ESRRB: variants seen among roughly 807,000 people sequenced by gnomAD.
ESRRB encodes the protein estrogen related receptor beta, also known as steroid hormone receptor ERR2.
ESRRB carries 16 observed loss-of-function variants against 46.0 expected under a neutral mutation model. The ratio of observed to expected loss-of-function variants is 0.35; its 90% CI spans 0.24 to 0.53. The LOEUF (loss-of-function observed/expected upper bound fraction) is 0.53. Ranked by LOEUF, ESRRB falls within the 20% of genes least tolerant of loss-of-function variation. The pLI is 0.93. For missense variants in ESRRB, 488 were observed against 607.4 expected (o/e 0.80, Z 2.07); for synonymous variants, 246 against 259.6 (o/e 0.95, Z 0.50).
intron 1 of ESRRB, among the ~76,000 whole-genome samples, chr14:76,377,523 T>C (rs1412682539): frequency 2.0e-5 from 3 of 152,130 alleles, no homozygotes; most frequent in Non-Finnish European, 4.4e-5. Flanking sequence ...ATAATAATAA[T>C]ACATAAAACT....
At chr14:76,402,981 G>A (rs760968763) in intron 1 of ESRRB, among the ~76,000 whole-genome samples, 1 of 152,140 alleles carries the variant, frequency 6.6e-6, no homozygotes, top group Non-Finnish European at 1.5e-5. Flanking sequence ...TGTAGAGACA[G>A]GGTCTCCCCA....
intron 1 of ESRRB, among the ~76,000 whole-genome samples, chr14:76,354,261 C>A (rs1690489510): frequency 6.9e-6 from 1 of 145,524 alleles, no homozygotes; most frequent in Admixed American, 6.9e-5. Flanking sequence ...CTCACCTCTC[C>A]ATGTGCCTGT....
At position 76,501,663 on chromosome 14, in the gene ESRRB, G is replaced by C. The variant is rs964576164; in HGVS notation, c.*3205G>C. On this transcript the variant is annotated 3_prime_UTR_variant, in exon 7 of 7. Transcript: ENST00000644823. ...TAATAATGATAATATGGCTGGAATG[G>C]CTTCTTAAGATGTATATATTTTTTA... 2.6e-5 allele frequency: 4 copies of C among 152,192 alleles called. No individual in the cohort carries two copies. Among genetic ancestry groups the C allele is most frequent in the African/African-American group, 7.2e-5 (3 of 41,442 alleles). 9.4% of individuals were successfully genotyped at this position (152,192 alleles called of 1,614,324 possible).
intron 5 of ESRRB, 45 bp from the exon 6 acceptor site, chr14:76,491,401 CG>C (rs779145001): frequency 6.9e-6 from 11 of 1,597,466 alleles, no homozygotes; most frequent in South Asian, 2.3e-5. Flanking sequence ...GCCCCTGGTC[CG>C]CCCTCCTGAC....
At chr14:76,407,024 TA>T (rs1886217686) in intron 1 of ESRRB, among the ~76,000 whole-genome samples, 1 of 152,196 alleles carries the variant, frequency 6.6e-6, no homozygotes, top group African/African-American at 2.4e-5. Context: ...AACAAATGAA[TA>T]AATGAATCTT....
chr14:76,377,270 G>A (rs536075879), intron 1 of ESRRB, among the ~76,000 whole-genome samples: 1 of 152,242 alleles, frequency 6.6e-6, no homozygotes, highest in Non-Finnish European at 1.5e-5. Flanking sequence ...CAAGAGCGCA[G>A]AGTGGGAAAG....
chr14:76,474,059 G>A (rs1889478760), intron 3 of ESRRB, among the ~76,000 whole-genome samples: 2 of 152,196 alleles, frequency 1.3e-5, no homozygotes, highest in Non-Finnish European at 2.9e-5. Context: ...TTGGACAAAG[G>A]CAGCCATCAG....
intron 1 of ESRRB, among the ~76,000 whole-genome samples, chr14:76,425,801 G>A (rs1368247826): frequency 6.6e-6 from 1 of 152,018 alleles, no homozygotes; most frequent in Non-Finnish European, 1.5e-5. Flanking sequence ...TCAGCTCACT[G>A]CAACCTCTAC....
chr14:76,432,762 G>A lies in ESRRB; in HGVS notation c.51-6579G>A, dbSNP rs547198752. Among the ~76,000 whole-genome samples the A allele has an allele frequency of 1.6e-4, 19 of 121,696 alleles. 1 individual carries two copies. The highest frequency in any genetic ancestry group is 5.3e-4 in the African/African-American group (14 of 26,602). 79.8% of individuals were successfully genotyped at this position (121,696 alleles called of 152,430 possible). A position where few individuals can be genotyped will look rare whatever the true frequency, so the allele number is the denominator to read the frequency against. ...ACAGTCTCAGCTCACTGCAACCTCC[G>A]CCTCCCGGGTTCAAGTGATTCTCCT... On this transcript the variant is annotated intron_variant, in intron 1 of 6. Coordinates refer to ENST00000644823, the MANE Select transcript of ESRRB (RefSeq NM_001379180.1).
intron 1 of ESRRB, among the ~76,000 whole-genome samples, chr14:76,321,375 C>T (rs554703340): frequency 6.6e-6 from 1 of 152,296 alleles, no homozygotes; most frequent in Admixed American, 6.5e-5. Context: ...TTCTCTGTCC[C>T]CTAAAATCTC....
chr14:76,388,952 G>A (rs1193566514), intron 1 of ESRRB, among the ~76,000 whole-genome samples: 2 of 152,070 alleles, frequency 1.3e-5, no homozygotes, highest in Non-Finnish European at 2.9e-5. Flanking sequence ...ATTCCCGCAG[G>A]CACCACACAG....
At chr14:76,317,145 C>G (rs181799725) in intron 1 of ESRRB, among the ~76,000 whole-genome samples, 58 of 133,444 alleles carry the variant, frequency 4.3e-4, no homozygotes, top group Non-Finnish European at 8.8e-4. Context: ...TTTCTGCTCT[C>G]GTTTGGAAGA....
intron 1 of ESRRB, among the ~76,000 whole-genome samples, chr14:76,313,332 T>G (rs578045096): frequency 5.9e-5 from 9 of 152,038 alleles, no homozygotes; most frequent in African/African-American, 2.2e-4. Flanking sequence ...TTTTTCAAAC[T>G]GATTTCTTAA....
intron 5 of ESRRB, among the ~76,000 whole-genome samples, chr14:76,486,735 C>T (rs1890037488): frequency 6.6e-6 from 1 of 152,072 alleles, no homozygotes. Flanking sequence ...TGGGCAGGCC[C>T]GAGAGCCTTG....
intron 2 of ESRRB, among the ~76,000 whole-genome samples, chr14:76,445,507 G>T (rs1366042208): frequency 1.4e-5 from 2 of 142,372 alleles, no homozygotes; most frequent in South Asian, 2.3e-4. Context: ...AGAAAGAAAA[G>T]AAAAGCTCTG....
chr14:76,366,146 G>A (rs1310724455), intron 1 of ESRRB, among the ~76,000 whole-genome samples: 1 of 152,210 alleles, frequency 6.6e-6, no homozygotes, highest in Non-Finnish European at 1.5e-5. Flanking sequence ...CTTTGACAGT[G>A]ATTGGTTTGG....
intron 1 of ESRRB, among the ~76,000 whole-genome samples, chr14:76,424,823 A>C (rs1595104395): frequency 6.6e-6 from 1 of 151,820 alleles, no homozygotes; most frequent in Non-Finnish European, 1.5e-5. Flanking sequence ...TGCAACCTCC[A>C]CCTCCCAGGT....
At chr14:76,451,501 T>C (rs1209371036) in intron 2 of ESRRB, among the ~76,000 whole-genome samples, 1 of 152,224 alleles carries the variant, frequency 6.6e-6, no homozygotes, top group Non-Finnish European at 1.5e-5. Flanking sequence ...TGAAGGCTTC[T>C]GAGCAGGGAA....
At chr14:76,493,168 T>C (rs559302032) in intron 6 of ESRRB, among the ~76,000 whole-genome samples, 1 of 152,166 alleles carries the variant, frequency 6.6e-6, no homozygotes, top group Non-Finnish European at 1.5e-5. Flanking sequence ...ATTTTATTTT[T>C]TTTTGAGACA....
Sources: gnomAD v4.1 joint callset for allele counts (sites outside exome capture counted in the v4.1 genomes callset) on GRCh38, gnomAD v4.1.1 for gene constraint, MANE v1.5 for transcripts, NCBI Gene and HGNC (gene_info 2026-07-23, HGNC 2026-07-21) for gene names.